The following PAIP1 variants were observed in gnomAD, a reference collection of about 807,000 sequenced individuals.
PAIP1 encodes polyadenylate-binding protein-interacting protein 1.
PAIP1 carries 16 observed loss-of-function variants against 61.3 expected under a neutral mutation model. That is an observed-to-expected ratio of 0.26 (90% CI 0.18 to 0.40). PAIP1 has a LOEUF of 0.40. Among genes scored for constraint, PAIP1 ranks in the 10% least tolerant of loss-of-function variants. PAIP1 has a pLI of 1.00. For missense variants in PAIP1, 416 were observed against 600.9 expected, an observed-to-expected ratio of 0.69 and a Z score of 3.22; for synonymous variants, 187 against 226.2, an observed-to-expected ratio of 0.83 and a Z score of 1.56.
At chr5:43,536,501 T>C (rs1390387806) in intron 6 of PAIP1, among the ~76,000 whole-genome samples, 1 of 152,090 alleles carries the variant, frequency 6.6e-6, no homozygotes, top group African/African-American at 2.4e-5. Context: ...TTTCATTAGG[T>C]GGCAAAAACA....
intron 5 of PAIP1, among the ~76,000 whole-genome samples, chr5:43,538,404 T>C (rs1342193546): frequency 6.6e-6 from 1 of 152,228 alleles, no homozygotes; most frequent in Non-Finnish European, 1.5e-5. Flanking sequence ...GATTTAGCCA[T>C]TCTACGATGT....
intron 3 of PAIP1, among the ~76,000 whole-genome samples, chr5:43,547,438 C>T (rs1169482856): frequency 1.3e-5 from 2 of 152,126 alleles, no homozygotes; most frequent in South Asian, 4.1e-4. Flanking sequence ...GTTTTCAGTG[C>T]CCATATCACC....
At chr5:43,545,410 T>C (rs1024539794) in intron 3 of PAIP1, among the ~76,000 whole-genome samples, 1 of 152,250 alleles carries the variant, frequency 6.6e-6, no homozygotes, top group Admixed American at 6.5e-5. Flanking sequence ...ACGTCCTTTG[T>C]TAATTTCATA....
chr5:43,538,377 CAT>C lies in PAIP1; in HGVS notation c.846+545_846+546del, dbSNP rs146903269. Among the ~76,000 whole-genome samples, 1,460 of 152,200 alleles carry C rather than the reference CAT, an allele frequency of 9.6e-3. 19 individuals carry two copies. Among genetic ancestry groups the C allele is most frequent in the African/African-American group, 0.034 (1,403 of 41,510 alleles). On this transcript the variant is annotated intron_variant, in intron 5 of 10. Coordinates refer to ENST00000306846, the MANE Select transcript of PAIP1 (RefSeq NM_006451.5). ...ACACAAAAAAGTATGTCAAGTAATG[CAT>C]ATGTTAAATAGCTTGATTTAGCCAT...
rs199672517 is a variant in PAIP1 at position 43,539,460 on chromosome 5, C to T, written c.735-425G>A. Among the ~76,000 whole-genome samples, 458 of 135,734 alleles carry T rather than the reference C, an allele frequency of 3.4e-3. 8 individuals carry two copies. The East Asian group carries it at 0.061, about 18-fold the overall frequency. The allele number at this position is 135,734 out of a possible 152,430, so 89.0% of individuals were successfully genotyped here. On this transcript the variant is annotated intron_variant, in intron 4 of 10. Transcript: ENST00000306846. ...TGAAAAGGATCTTTAAATACACACA[C>T]ACACACACACACACACACACACACA...
At position 43,556,739 on chromosome 5, in the gene PAIP1, C is replaced by T; in HGVS notation, c.108G>A (p.Gly36=). The T allele has an allele frequency of 2.8e-6, 4 of 1,405,976 alleles. No homozygotes were observed. The highest frequency in any genetic ancestry group is 3.7e-6 in the Non-Finnish European group (4 of 1,084,272). 87.1% of individuals were successfully genotyped at this position (1,405,976 alleles called of 1,614,324 possible). Reference sequence around the variant, plus strand: ...GCTGGTGCCGCGCCCGCTCAGCAGGCCCCGCTCCGTTCGGGAAACCGCCGC... The same window carrying T: ...GCTGGTGCCGCGCCCGCTCAGCAGGTCCCGCTCCGTTCGGGAAACCGCCGC... ...PEGGGFPNGA[G]PAERARHQPP... Residue 36 remains glycine (G), a synonymous_variant, in exon 1 of 11, where the codon GGG becomes GGA. Coordinates refer to ENST00000306846, the MANE Select transcript of PAIP1 (RefSeq NM_006451.5).
intron 10 of PAIP1, 78 bp downstream of exon 10, chr5:43,529,708 C>T (rs766779878): frequency 1.8e-5 from 15 of 820,338 alleles, no homozygotes; most frequent in Non-Finnish European, 2.8e-5. Context: ...ACCATTCCTT[C>T]ATGAGCTACT....
chr5:43,527,570 A>C, intron 10 of PAIP1, 101 bp from the exon 11 acceptor site: 3 of 1,050,736 alleles, frequency 2.9e-6, no homozygotes, highest in East Asian at 5.4e-5. Flanking sequence ...TCCTAGACTG[A>C]CTTATAATAG....
At chr5:43,543,257 G>T in intron 3 of PAIP1, 141 bp from the exon 4 acceptor site, 1 of 325,424 alleles carries the variant, frequency 3.1e-6, no homozygotes, top group Non-Finnish European at 5.7e-6. Context: ...TTAGGCTTAA[G>T]GAAATTAAAT....
intron 2 of PAIP1, among the ~76,000 whole-genome samples, chr5:43,548,444 C>T (rs999739930): frequency 5.3e-5 from 8 of 151,920 alleles, no homozygotes; most frequent in Non-Finnish European, 1.0e-4. Context: ...ATCTGTTAAT[C>T]CCCAAGGGCA....
rs918758017 is a variant in PAIP1 at position 43,556,823 on chromosome 5, G to T, written c.24C>A (p.Ala8=). ...GGCTCCGGCCCCGACCAGCACCTGG[G>T]GCCCGATCGAAACCGTCCGACATGC... MSDGFDR[A]PGAGRGRSRG... is the part of the protein sequence containing the mutation. Residue 8 remains alanine (A), a synonymous_variant, in exon 1 of 11, where the codon GCC becomes GCA. Coordinates refer to ENST00000306846, the MANE Select transcript of PAIP1 (RefSeq NM_006451.5). The T allele has an allele frequency of 1.2e-5, 18 of 1,453,014 alleles. No individual in the cohort carries two copies. The Admixed American group carries it at 3.3e-4, about 27-fold the overall frequency. The allele number at this position is 1,453,014 out of a possible 1,614,324, so 90.0% of individuals were successfully genotyped here.
At chr5:43,530,410 C>A (rs1261599050) in intron 9 of PAIP1, among the ~76,000 whole-genome samples, 1 of 152,210 alleles carries the variant, frequency 6.6e-6, no homozygotes, top group Non-Finnish European at 1.5e-5. Context: ...TTACACCTAT[C>A]TGCCAATTGT....
chr5:43,535,985 TAA>T (rs1554039831), intron 6 of PAIP1, among the ~76,000 whole-genome samples: 1 of 116,108 alleles, frequency 8.6e-6, no homozygotes, highest in African/African-American at 3.7e-5. Flanking sequence ...AAGCTTTGAA[TAA>T]AAAAAAAAAA....
At chr5:43,539,759 T>C (rs1294873849) in intron 4 of PAIP1, among the ~76,000 whole-genome samples, 1 of 152,208 alleles carries the variant, frequency 6.6e-6, no homozygotes, top group Non-Finnish European at 1.5e-5. Context: ...TCAGTCATAG[T>C]TCCTACAAGG....
chr5:43,548,243 A>G (rs1023713775), intron 2 of PAIP1, among the ~76,000 whole-genome samples: 1 of 152,238 alleles, frequency 6.6e-6, no homozygotes, highest in African/African-American at 2.4e-5. Context: ...TACGAATGAA[A>G]TAAGATCTAG....
intron 4 of PAIP1, among the ~76,000 whole-genome samples, chr5:43,542,067 T>C (rs1459940309): frequency 2.0e-5 from 3 of 150,250 alleles, no homozygotes; most frequent in Non-Finnish European, 3.0e-5. Context: ...TCCCAGCTAC[T>C]GGGGAGGCTG....
At chr5:43,557,095 C>T (rs1748131306), upstream of PAIP1, 2 of 627,780 alleles carry the variant, frequency 3.2e-6, no homozygotes, top group Admixed American at 4.6e-5. Flanking sequence ...CCCCAAAACC[C>T]GGCTCCCCGC....
chr5:43,541,903 G>A (rs571597600), intron 4 of PAIP1, among the ~76,000 whole-genome samples: 124 of 152,096 alleles, frequency 8.2e-4, no homozygotes, highest in African/African-American at 2.8e-3. Context: ...CAGGCTGGGC[G>A]TGGTGGCTCA....
chr5:43,544,667 TATGAGTGTCCAC>T, intron 3 of PAIP1, among the ~76,000 whole-genome samples: 1 of 152,116 alleles, frequency 6.6e-6, no homozygotes, highest in East Asian at 1.9e-4. Context: ...AAACAGAAAA[TATGAGTGTCCAC>T]ATAATGCCAA....
Sources: gnomAD v4.1 joint callset for allele counts (sites outside exome capture counted in the v4.1 genomes callset) on GRCh38, gnomAD v4.1.1 for gene constraint, MANE v1.5 for transcripts, NCBI Gene and HGNC (gene_info 2026-07-23, HGNC 2026-07-21) for gene names.